ZFX: variants seen among roughly 807,000 people sequenced by gnomAD.
ZFX encodes zinc finger protein X-linked, also known as zinc finger X-chromosomal protein.
For synonymous variants in ZFX, 196 were observed against 226.8 expected (o/e 0.86, Z 1.22); for missense variants, 362 against 628.3 (o/e 0.58, Z 4.53).
chrX:24,156,211 A>G (rs952924492), intron 3 of ZFX, among the ~76,000 whole-genome samples: 2 of 111,727 alleles, frequency 1.8e-5, no homozygotes, highest in Admixed American at 1.9e-4. Context: ...TATGGGTTTT[A>G]TATTCTGGAT....
At chrX:24,165,361 C>T (rs753051696) in intron 3 of ZFX, among the ~76,000 whole-genome samples, 15 of 112,475 alleles carry the variant, frequency 1.3e-4, no homozygotes, top group South Asian at 7.3e-4. Flanking sequence ...CCTTGTGATC[C>T]GCCAGCCTCG....
chrX:24,169,299 A>G (rs762903574), intron 3 of ZFX, among the ~76,000 whole-genome samples: 2 of 111,798 alleles, frequency 1.8e-5, no homozygotes, highest in South Asian at 3.7e-4. Flanking sequence ...GAAGAAAGCA[A>G]ATCAGTCTGT....
chrX:24,208,894 T>C lies in ZFX; in HGVS notation c.1094-6T>C. On this transcript the variant is annotated splice_region_variant and splice_polypyrimidine_tract_variant and intron_variant, in intron 8 of 9. Coordinates refer to ENST00000304543, the MANE Select transcript of ZFX (RefSeq NM_003410.4). Reference sequence around the variant, plus strand: ...TATAATTTTGTTTTTTAATACACATTGTTAGGTAATAATTCTGATGGAATT... The same window carrying C: ...TATAATTTTGTTTTTTAATACACATCGTTAGGTAATAATTCTGATGGAATT... 1 of 1,210,485 alleles carries C rather than the reference T, an allele frequency of 8.3e-7. No homozygotes were observed. Among genetic ancestry groups the C allele is most frequent in the Non-Finnish European group, 1.1e-6 (1 of 894,708 alleles).
chrX:24,164,279 G>T (rs1358655355), intron 3 of ZFX, among the ~76,000 whole-genome samples: 2 of 111,301 alleles, frequency 1.8e-5, no homozygotes, highest in Admixed American at 1.9e-4. Context: ...TTTTTTTAAT[G>T]ATTAAAGGAT....
intron 5 of ZFX, among the ~76,000 whole-genome samples, chrX:24,196,228 T>C (rs1936912795): frequency 9.0e-6 from 1 of 111,326 alleles, no homozygotes; most frequent in African/African-American, 3.3e-5. Context: ...TTCTCCTGCC[T>C]CAGTCTCCCG....
intron 5 of ZFX, among the ~76,000 whole-genome samples, chrX:24,192,448 C>G (rs766315111): frequency 9.0e-6 from 1 of 111,390 alleles, no homozygotes; most frequent in Non-Finnish European, 1.9e-5. Flanking sequence ...GAGTATTGGC[C>G]GTAGGTTTAT....
intron 5 of ZFX, among the ~76,000 whole-genome samples, chrX:24,201,103 G>A (rs769086156): frequency 8.7e-4 from 98 of 112,003 alleles, no homozygotes; most frequent in African/African-American, 3.0e-3. Flanking sequence ...TTTAATAATG[G>A]TAGCTTTAAA....
At chrX:24,201,168 A>G (rs1001896815) in intron 5 of ZFX, among the ~76,000 whole-genome samples, 4 of 112,598 alleles carry the variant, frequency 3.6e-5, no homozygotes, top group Non-Finnish European at 7.5e-5. Context: ...TTTTTTAAAG[A>G]TAAATCATTC....
chrX:24,188,539 G>T (rs192014941), intron 5 of ZFX, among the ~76,000 whole-genome samples: 2 of 111,124 alleles, frequency 1.8e-5, no homozygotes, highest in East Asian at 5.6e-4. Flanking sequence ...CCTATTCTTT[G>T]GGTGCTAATA....
intron 4 of ZFX, among the ~76,000 whole-genome samples, chrX:24,176,060 A>T (rs1388113966): frequency 2.1e-5 from 2 of 96,986 alleles, no homozygotes; most frequent in Non-Finnish European, 4.1e-5. Flanking sequence ...TTTTTTTGAG[A>T]TGGAGTTTTG....
At chrX:24,170,354 G>A (rs999303901) in intron 3 of ZFX, among the ~76,000 whole-genome samples, 3 of 108,519 alleles carry the variant, frequency 2.8e-5, no homozygotes, top group East Asian at 2.9e-4. Flanking sequence ...ATGGGGTTGC[G>A]CCATGTTGGC....
At chrX:24,176,430 ATT>A (rs56241839) in intron 4 of ZFX, among the ~76,000 whole-genome samples, 1 of 66,845 alleles carries the variant, frequency 1.5e-5, no homozygotes. Context: ...TTGGCCTTTG[ATT>A]TTTTTTTTTT....
chrX:24,201,359 A>C (rs1937282023), intron 5 of ZFX, among the ~76,000 whole-genome samples: 1 of 112,821 alleles, frequency 8.9e-6, no homozygotes, highest in Non-Finnish European at 1.9e-5. Context: ...CTTTTACTCC[A>C]AGTTACAGGT....
rs765535022 is a variant in ZFX at position 24,213,980 on chromosome X, G to T, written c.*2604G>T. ...TTTTATATTTCTCTTACATACTCCGGAATCATACACAGTTCTTTTTAAAGC... is the reference window on the plus strand; with the variant it reads ...TTTTATATTTCTCTTACATACTCCGTAATCATACACAGTTCTTTTTAAAGC... On this transcript the variant is annotated 3_prime_UTR_variant, in exon 10 of 10. Coordinates refer to ENST00000304543, the MANE Select transcript of ZFX (RefSeq NM_003410.4). 1.8e-5 allele frequency: 2 copies of T among 110,733 alleles called. No individual in the cohort carries two copies. Among genetic ancestry groups the T allele is most frequent in the Admixed American group, 1.9e-4 (2 of 10,336 alleles). 9.1% of individuals were successfully genotyped at this position (110,733 alleles called of 1,213,427 possible). A position where few individuals can be genotyped will look rare whatever the true frequency, so the allele number is the denominator to read the frequency against.
At chrX:24,164,926 G>A (rs1159685503) in intron 3 of ZFX, among the ~76,000 whole-genome samples, 1 of 104,220 alleles carries the variant, frequency 9.6e-6, no homozygotes, top group Non-Finnish European at 2.0e-5. Flanking sequence ...GGCAACAAGA[G>A]TGAAACTCCG....
intron 3 of ZFX, among the ~76,000 whole-genome samples, chrX:24,163,609 C>T (rs776619818): frequency 9.4e-6 from 1 of 106,035 alleles, no homozygotes; most frequent in Admixed American, 1.0e-4. Flanking sequence ...AACTCCTGAC[C>T]TCAGGTGATC....
chrX:24,161,813 C>T (rs1247932078), intron 3 of ZFX: 1 of 107,365 alleles, frequency 9.3e-6, no homozygotes, highest in Non-Finnish European at 1.9e-5. Context: ...TCTTCTTCTG[C>T]CTCAGCCTCT....
chrX:24,187,592 G>A lies in ZFX; in HGVS notation c.646+7822G>A, dbSNP rs1601908736. 4.5e-5 allele frequency among the ~76,000 whole-genome samples: 5 copies of A among 111,761 alleles called. 1 individual carries two copies. In the Admixed American group the frequency reaches 4.8e-4, roughly 11 times the overall value. ...ACCCCATCCTGTTGTTTTTCTAACT[G>A]AAAAGTATTAATTTTTTTCAAATTT... On this transcript the variant is annotated intron_variant, in intron 5 of 9. Transcript: ENST00000304543.
chrX:24,187,127 G>GCATA (rs1288335990), intron 5 of ZFX, among the ~76,000 whole-genome samples: 2 of 111,526 alleles, frequency 1.8e-5, no homozygotes, highest in African/African-American at 3.3e-5. Context: ...TGTTGCCCAG[G>GCATA]CATACATACA....
Sources: allele counts gnomAD v4.1 joint callset (sites outside exome capture counted in the v4.1 genomes callset), GRCh38; gene constraint gnomAD v4.1.1; transcripts MANE v1.5; gene names NCBI Gene and HGNC (gene_info 2026-07-23, HGNC 2026-07-21).